Variants in FAM110B observed in about 807,000 individuals in gnomAD.
FAM110B encodes the protein protein FAM110B.
FAM110B carries 6 observed loss-of-function variants against 20.4 expected under a neutral mutation model. The observed-to-expected ratio is 0.29, with a 90% CI of 0.16 to 0.58. FAM110B has a LOEUF of 0.58. Among genes scored for constraint, FAM110B ranks in the 20% least tolerant of loss-of-function variants. The probability of loss-of-function intolerance (pLI) is 0.90; values close to 1 mark genes in which losing one functional copy is unlikely to be tolerated. For synonymous variants in FAM110B, 226 were observed against 214.1 expected (o/e 1.06, Z -0.49); for missense variants, 434 against 498.2 (o/e 0.87, Z 1.23).
At chr8:58,043,506 G>C (rs1805260232) in intron 2 of FAM110B, among the ~76,000 whole-genome samples, 3 of 151,314 alleles carry the variant, frequency 2.0e-5, no homozygotes, top group South Asian at 2.1e-4. Context: ...TTAAGTTCTA[G>C]GGTACATGTG....
intron 1 of FAM110B, among the ~76,000 whole-genome samples, chr8:58,015,238 T>C (rs1804614384): frequency 6.6e-6 from 1 of 152,076 alleles, no homozygotes; most frequent in African/African-American, 2.4e-5. Context: ...ATGCCTGTTA[T>C]CGCAGCTACT....
intron 3 of FAM110B, among the ~76,000 whole-genome samples, chr8:58,144,300 G>A (rs111260555): frequency 2.6e-5 from 4 of 152,312 alleles, no homozygotes; most frequent in African/African-American, 9.6e-5. Flanking sequence ...TCTGTAAAGA[G>A]GATGAGATTG....
intron 2 of FAM110B, among the ~76,000 whole-genome samples, chr8:58,039,326 G>A (rs1308891130): frequency 6.6e-6 from 1 of 152,204 alleles, no homozygotes; most frequent in African/African-American, 2.4e-5. Flanking sequence ...CCTGTAATGT[G>A]TCCAGTCCCT....
At chr8:58,070,965 A>G (rs1805883969) in intron 2 of FAM110B, among the ~76,000 whole-genome samples, 1 of 152,184 alleles carries the variant, frequency 6.6e-6, no homozygotes, top group Admixed American at 6.5e-5. Context: ...TGCCAGAGAT[A>G]TTTAAAGTGT....
At chr8:58,053,666 CAG>C (rs1420738067) in intron 2 of FAM110B, among the ~76,000 whole-genome samples, 1 of 152,132 alleles carries the variant, frequency 6.6e-6, no homozygotes, top group Admixed American at 6.5e-5. Flanking sequence ...TATTTTAGAC[CAG>C]AGTTTTGGTG....
chr8:58,075,271 T>TGTGTGTGTGTG (rs1554521060), intron 2 of FAM110B, among the ~76,000 whole-genome samples: 25 of 134,722 alleles, frequency 1.9e-4, no homozygotes, highest in African/African-American at 8.6e-4. Context: ...GCTTTTTTTT[T>TGTGTGTGTGTG]TTTTTGTGTG....
chr8:57,998,930 T>C (rs1375316968), intron 1 of FAM110B, among the ~76,000 whole-genome samples: 1 of 152,212 alleles, frequency 6.6e-6, no homozygotes, highest in African/African-American at 2.4e-5. Context: ...TAGATTTCCT[T>C]ATACTTATGG....
At chr8:58,091,209 A>G (rs1026792634) in intron 3 of FAM110B, among the ~76,000 whole-genome samples, 5 of 152,224 alleles carry the variant, frequency 3.3e-5, no homozygotes, top group African/African-American at 1.2e-4. Context: ...AGCTGGGAGT[A>G]TGTTTTAAGC....
chr8:57,996,776 G>T (rs1015943395), intron 1 of FAM110B, among the ~76,000 whole-genome samples: 1 of 152,194 alleles, frequency 6.6e-6, no homozygotes, highest in Non-Finnish European at 1.5e-5. Flanking sequence ...GCAGAGTTAA[G>T]TAACTCTCAC....
intron 3 of FAM110B, among the ~76,000 whole-genome samples, chr8:58,137,683 A>G (rs1331140444): frequency 6.6e-6 from 1 of 152,188 alleles, no homozygotes; most frequent in Admixed American, 6.5e-5. Context: ...ATGGTTATCA[A>G]TGTTCCATAA....
rs145052494 is a variant in FAM110B, at chr8:58,112,874, A to C, written c.-324-33033A>C. ...TAAGGACTTAAGGGCTGCTGTAACA[A>C]AATACCATACCCTTGAGTAGCTTAA... On this transcript the variant is annotated intron_variant, in intron 3 of 3. Transcript: ENST00000519262. Among the ~76,000 whole-genome samples the C allele has an allele frequency of 6.7e-4, 102 of 152,338 alleles. 5 individuals are homozygous for C. Among genetic ancestry groups the C allele is most frequent in the African/African-American group, 2.4e-3 (99 of 41,578 alleles).
At chr8:58,014,968 C>G (rs35623322) in intron 1 of FAM110B, among the ~76,000 whole-genome samples, 6,391 of 152,224 alleles carry the variant, frequency 0.042, 223 homozygotes, top group Non-Finnish European at 0.052. Context: ...AATATTTTTA[C>G]AAAATAACTT....
chr8:58,146,298 C>T lies in FAM110B; in HGVS notation c.68C>T (p.Ser23Phe). The T allele has an allele frequency of 6.2e-7, 1 of 1,613,938 alleles. No homozygotes were observed. Among genetic ancestry groups the T allele is most frequent in the Non-Finnish European group, 8.5e-7 (1 of 1,179,976 alleles). Residue 23 changes from serine to phenylalanine, a missense_variant, in exon 4 of 4, where the codon TCT (serine) becomes TTT (phenylalanine). Coordinates refer to ENST00000519262, the MANE Select transcript of FAM110B (RefSeq NM_001377989.1). ...KPVSPAGTFT[S>F]AVPLRILNKG... ...GTCAGCCCCGCGGGCACCTTCACCT[C>T]TGCTGTGCCCCTGCGCATCCTGAAC...
intron 3 of FAM110B, among the ~76,000 whole-genome samples, chr8:58,119,966 C>T (rs551854974): frequency 6.6e-6 from 1 of 152,314 alleles, no homozygotes; most frequent in South Asian, 2.1e-4. Context: ...CAGTAAGCCA[C>T]AGAGCCCAGG....
intron 2 of FAM110B, among the ~76,000 whole-genome samples, chr8:58,054,388 TCTC>T (rs1170121381): frequency 1.3e-5 from 2 of 152,046 alleles, no homozygotes; most frequent in East Asian, 3.9e-4. Flanking sequence ...AAATCAAACA[TCTC>T]CTTCCAATCC....
rs188022441 is a variant in FAM110B at position 58,067,391 on chromosome 8, G to T, written c.-413-8144G>T. Among the ~76,000 whole-genome samples, 17 of 152,336 alleles carry T rather than the reference G, an allele frequency of 1.1e-4. No individual in the cohort carries two copies. The East Asian group carries it at 2.1e-3, about 19-fold the overall frequency. On this transcript the variant is annotated intron_variant, in intron 2 of 3. Coordinates refer to ENST00000519262, the MANE Select transcript of FAM110B (RefSeq NM_001377989.1). ...ACAAAGATCTAGAAGGAGAGAAGCT[G>T]TGGTCAGACCCTCAGGGAGCTTGAG...
At position 58,013,365 on chromosome 8, in the gene FAM110B, G is replaced by C. The variant is rs867979865; in HGVS notation, c.-511-18241G>C. 1.2e-4 allele frequency among the ~76,000 whole-genome samples: 18 copies of C among 152,348 alleles called. 1 individual carries two copies. In the Middle Eastern group the frequency reaches 0.017, roughly 144 times the overall value. On this transcript the variant is annotated intron_variant, in intron 1 of 3. Transcript: ENST00000519262. ...GGGCACACATCAGGGGCTTATGGTG[G>C]GGAGTGGGTGTTGTCCTGTCTCTGG...
intron 3 of FAM110B, among the ~76,000 whole-genome samples, chr8:58,084,249 G>A (rs1451870201): frequency 2.0e-5 from 3 of 152,134 alleles, no homozygotes; most frequent in Non-Finnish European, 4.4e-5. Flanking sequence ...AAGAGAAGAT[G>A]AACTATAATA....
At chr8:58,010,027 C>T (rs1804496022) in intron 1 of FAM110B, among the ~76,000 whole-genome samples, 1 of 151,994 alleles carries the variant, frequency 6.6e-6, no homozygotes, top group African/African-American at 2.4e-5. Flanking sequence ...GCTGGTGAAA[C>T]TCGGTTTGAG....
Sources: gnomAD v4.1 joint callset for allele counts (sites outside exome capture counted in the v4.1 genomes callset) on GRCh38, gnomAD v4.1.1 for gene constraint, MANE v1.5 for transcripts, NCBI Gene and HGNC (gene_info 2026-07-23, HGNC 2026-07-21) for gene names.